The following TAFA2 variants were observed in gnomAD, a reference collection of about 807,000 sequenced individuals.
TAFA2 encodes TAFA chemokine like family member 2.
TAFA2 carries 7 observed loss-of-function variants against 18.8 expected under a neutral mutation model. The observed-to-expected ratio is 0.37, with a 90% confidence interval of 0.21 to 0.70. TAFA2 has a LOEUF of 0.70. TAFA2 is among the 30% of genes least tolerant of loss of function. The probability of loss-of-function intolerance (pLI) is 0.53; values close to 1 mark genes in which losing one functional copy is unlikely to be tolerated. For synonymous variants in TAFA2, 60 were observed against 54.2 expected (o/e 1.11, Z -0.47); for missense variants, 122 against 158.1 (o/e 0.77, Z 1.23).
At chr12:61,766,571 G>A (rs1368849053) in intron 2 of TAFA2, among the ~76,000 whole-genome samples, 2 of 152,032 alleles carry the variant, frequency 1.3e-5, no homozygotes, top group Non-Finnish European at 2.9e-5. Flanking sequence ...TGTAACGCGT[G>A]TAATTGTCTT....
chr12:61,748,344 C>T (rs1868835581), intron 4 of TAFA2, among the ~76,000 whole-genome samples: 1 of 150,906 alleles, frequency 6.6e-6, no homozygotes, highest in Admixed American at 6.6e-5. Flanking sequence ...TGCTGTGGAC[C>T]AGAATGTAAT....
intron 1 of TAFA2, among the ~76,000 whole-genome samples, chr12:62,199,150 T>A (rs1380154747): frequency 6.6e-6 from 1 of 152,228 alleles, no homozygotes; most frequent in Non-Finnish European, 1.5e-5. Flanking sequence ...TGGCTGATTG[T>A]AAGCTGGAGT....
intron 4 of TAFA2, chr12:61,720,902 C>A: frequency 1.9e-6 from 1 of 517,720 alleles, no homozygotes; most frequent in Non-Finnish European, 3.9e-6. Context: ...TCCATTCGAA[C>A]TTGAAGAGTT....
At chr12:61,994,770 C>T (rs890062318) in intron 1 of TAFA2, among the ~76,000 whole-genome samples, 11 of 152,134 alleles carry the variant, frequency 7.2e-5, no homozygotes, top group African/African-American at 9.6e-5. Context: ...GTATTCACAG[C>T]TTTCTTCTTA....
chr12:62,042,049 G>A (rs902231164), intron 1 of TAFA2, among the ~76,000 whole-genome samples: 4 of 151,966 alleles, frequency 2.6e-5, no homozygotes, highest in African/African-American at 9.7e-5. Context: ...TCTTAATACT[G>A]TATATTAATG....
chr12:61,950,255 C>G (rs1166702833), intron 1 of TAFA2, among the ~76,000 whole-genome samples: 1 of 152,094 alleles, frequency 6.6e-6, no homozygotes, highest in Non-Finnish European at 1.5e-5. Flanking sequence ...TAAATCTCTG[C>G]TTTCAATCAT....
chr12:61,717,542 A>G (rs1869715877), intron 4 of TAFA2, among the ~76,000 whole-genome samples: 1 of 152,200 alleles, frequency 6.6e-6, no homozygotes, highest in Non-Finnish European at 1.5e-5. Context: ...AGATATGTTT[A>G]ATACTTCAGC....
At chr12:62,103,663 C>T (rs566809289) in intron 1 of TAFA2, among the ~76,000 whole-genome samples, 2 of 152,178 alleles carry the variant, frequency 1.3e-5, no homozygotes, top group East Asian at 1.9e-4. Flanking sequence ...ACCGCTTGAA[C>T]CCGGGAGGCG....
chr12:61,955,560 C>T (rs1592511699), intron 1 of TAFA2, among the ~76,000 whole-genome samples: 1 of 124,890 alleles, frequency 8.0e-6, no homozygotes, highest in African/African-American at 3.1e-5. Flanking sequence ...TAAGATCACG[C>T]CACTGCACTC....
chr12:62,147,326 GTATA>G (rs1219861920), intron 1 of TAFA2, among the ~76,000 whole-genome samples: 2,893 of 19,404 alleles, frequency 0.15, 109 homozygotes, highest in Middle Eastern at 0.25. Flanking sequence ...GTGTATGTAT[GTATA>G]TATATATATA....
intron 1 of TAFA2, among the ~76,000 whole-genome samples, chr12:62,240,286 G>C (rs1243717531): frequency 1.3e-5 from 2 of 151,766 alleles, no homozygotes; most frequent in African/African-American, 4.8e-5. Flanking sequence ...GGGCGTGATG[G>C]TGTGCACCTG....
At chr12:61,839,654 A>G (rs1873088338) in intron 2 of TAFA2, among the ~76,000 whole-genome samples, 1 of 152,066 alleles carries the variant, frequency 6.6e-6, no homozygotes, top group African/African-American at 2.4e-5. Flanking sequence ...GAAACAGAAA[A>G]CCAAATACAG....
Position 61,951,465 on chromosome 12 carries a change from G to A in TAFA2, c.-1-84039C>T, listed in dbSNP as rs182275077. 8.7e-3 allele frequency among the ~76,000 whole-genome samples: 1,322 copies of A among 152,116 alleles called. 14 individuals are homozygous for A. The highest frequency in any genetic ancestry group is 0.013 in the Non-Finnish European group (884 of 67,994). On this transcript the variant is annotated intron_variant, in intron 1 of 4. Transcript: ENST00000416284. ...TAATGTACATGCCTGCAATAAATGC[G>A]CACCTATATGTGTAAATGTCCTGGC...
intron 1 of TAFA2, among the ~76,000 whole-genome samples, chr12:61,926,779 A>G (rs1476861857): frequency 6.6e-6 from 1 of 152,146 alleles, no homozygotes; most frequent in Non-Finnish European, 1.5e-5. Context: ...CCCTTTGAAA[A>G]TGGGCACAAG....
intron 1 of TAFA2, chr12:61,880,343 C>A: frequency 2.0e-6 from 1 of 496,950 alleles, no homozygotes; most frequent in Admixed American, 2.2e-5. Context: ...TGCCGAGAAG[C>A]GCAGGGAGCT....
chr12:62,204,714 C>G (rs552665295), intron 1 of TAFA2, among the ~76,000 whole-genome samples: 2 of 152,048 alleles, frequency 1.3e-5, no homozygotes, highest in Admixed American at 6.5e-5. Context: ...AGAGAATAAC[C>G]AGTTATTCTG....
chr12:61,975,713 G>T (rs1396801924), intron 1 of TAFA2, among the ~76,000 whole-genome samples: 1 of 151,746 alleles, frequency 6.6e-6, no homozygotes, highest in East Asian at 1.9e-4. Context: ...CATCAACAGG[G>T]ACCCATCTGA....
chr12:62,122,473 T>C (rs1870241417), intron 1 of TAFA2, among the ~76,000 whole-genome samples: 1 of 152,204 alleles, frequency 6.6e-6, no homozygotes. Context: ...CCTTTAAGCA[T>C]TGACTTTTTA....
At chr12:62,183,686 A>G (rs530711479) in intron 1 of TAFA2, among the ~76,000 whole-genome samples, 11 of 152,298 alleles carry the variant, frequency 7.2e-5, no homozygotes, top group South Asian at 4.1e-4. Context: ...CACCCAGTCA[A>G]TCTGTGGTAT....
Sources: gnomAD v4.1 joint callset for allele counts (sites outside exome capture counted in the v4.1 genomes callset) on GRCh38, gnomAD v4.1.1 for gene constraint, MANE v1.5 for transcripts, NCBI Gene and HGNC (gene_info 2026-07-23, HGNC 2026-07-21) for gene names.